Variants in KMT2B observed in about 807,000 individuals in gnomAD.
KMT2B encodes lysine methyltransferase 2B.
A neutral mutation model predicts 255.3 loss-of-function variants in KMT2B; 22 were observed. That is an observed-to-expected ratio of 0.09 (90% confidence interval 0.06 to 0.12). KMT2B has a LOEUF of 0.12. Ranked by LOEUF, KMT2B falls within the 10% of genes least tolerant of loss-of-function variation. The pLI, the probability that KMT2B is intolerant of heterozygous loss-of-function variation, is 1.00. For missense variants in KMT2B, 3,149 were observed against 3,737.0 expected, an observed-to-expected ratio of 0.84 and a Z score of 4.10; for synonymous variants, 1,730 against 1,498.1, an observed-to-expected ratio of 1.15 and a Z score of -3.57.
Position 35,721,204 on chromosome 19 carries a change from CCCTCCTCCCCCAGCCCCTCCACCT to C in KMT2B, c.1860_1883del (p.Pro622_Pro629del). ...GGACCTCACTGACCCGGGAGCTGCC[CCCTCCTCCCCCAGCCCCTCCACCT>C]CCCCCGGCCCCCTCCCCACCCCCTG... On this transcript the variant is annotated inframe_deletion, in exon 3 of 37. Coordinates refer to ENST00000420124, the MANE Select transcript of KMT2B (RefSeq NM_014727.3). The C allele has an allele frequency of 6.5e-7, 1 of 1,533,578 alleles. No homozygotes were observed. The highest frequency in any genetic ancestry group is 8.8e-7 in the Non-Finnish European group (1 of 1,139,412). 95.0% of individuals were successfully genotyped at this position (1,533,578 alleles called of 1,614,324 possible).
rs1206442047 is a variant in KMT2B at position 35,732,844 on chromosome 19, G to A, written c.6295G>A (p.Ala2099Thr). ...AGTCCGGGCAGGGGTCCTTGGGGCT[G>A]CAGGGGACAGGGCCCGGCCTCCTGA... ...GVVRAGVLGAAGDRARPPEDL... is the reference protein window; with the variant it reads ...GVVRAGVLGATGDRARPPEDL... Residue 2099 changes from alanine to threonine, a missense_variant, in exon 28 of 37, where the codon GCA becomes ACA. Physicochemically the swap from Ala to Thr is moderately conservative, Grantham distance 58. Transcript: ENST00000420124. 6.2e-7 allele frequency: 1 copy of A among 1,608,872 alleles called. No homozygotes were observed. Among genetic ancestry groups the A allele is most frequent in the Middle Eastern group, 1.7e-4 (1 of 6,054 alleles).
Position 35,738,476 on chromosome 19 carries a change from C to T in KMT2B, c.8067C>T (p.Asp2689=), listed in dbSNP as rs1970007575. ...RILRGEELTY[D]YKFPIEDASN... is the part of the protein sequence containing the mutation. ...TGCGTGGTGAGGAGCTCACCTACGA[C>T]TACAAGTTCCCCATCGAGGATGCCA... Residue 2689 remains aspartate (D), a synonymous_variant, in exon 37 of 37, where the codon GAC becomes GAT. Coordinates refer to ENST00000420124, the MANE Select transcript of KMT2B (RefSeq NM_014727.3). The surrounding 1 kb of genome is among the most constrained non-coding windows in gnomAD (Gnocchi z 8.7). 6.2e-7 allele frequency: 1 copy of T among 1,614,132 alleles called. No individual in the cohort carries two copies. The highest frequency in any genetic ancestry group is 8.5e-7 in the Non-Finnish European group (1 of 1,179,970).
chr19:35,730,531 A>T lies in KMT2B; in HGVS notation c.5198-7A>T. On this transcript the variant is annotated splice_region_variant and splice_polypyrimidine_tract_variant and intron_variant, in intron 24 of 36. Coordinates refer to ENST00000420124, the MANE Select transcript of KMT2B (RefSeq NM_014727.3). Reference sequence around the variant, plus strand: ...CTGCCTCTCCTGACCTCCGCTTTGCACCACAGGTTCCATCCGCATTGACTC... The same window carrying T: ...CTGCCTCTCCTGACCTCCGCTTTGCTCCACAGGTTCCATCCGCATTGACTC... 2 of 1,613,958 alleles carry T rather than the reference A, an allele frequency of 1.2e-6. No individual in the cohort carries two copies. The highest frequency in any genetic ancestry group is 1.7e-6 in the Non-Finnish European group (2 of 1,179,878).
chr19:35,726,899 G>A (rs139088180), intron 14 of KMT2B, among the ~76,000 whole-genome samples: 2 of 150,756 alleles, frequency 1.3e-5, no homozygotes, highest in Non-Finnish European at 2.9e-5. Flanking sequence ...CAGGAGAATC[G>A]CTTGAACCCG....
At position 35,737,579 on chromosome 19, in the gene KMT2B, T is replaced by A. The variant is rs181783714; in HGVS notation, c.7551-57T>A. 67 of 1,157,898 alleles carry A rather than the reference T, an allele frequency of 5.8e-5. No individual in the cohort carries two copies. In the East Asian group the frequency reaches 1.7e-3, roughly 30 times the overall value. 71.7% of individuals were successfully genotyped at this position (1,157,898 alleles called of 1,614,324 possible). Reference sequence around the variant, plus strand: ...ATCAGAAAAATGAACCCCACCCATTTCCCTGTTAGCTCTGTCTTCAACAGT... The same window carrying A: ...ATCAGAAAAATGAACCCCACCCATTACCCTGTTAGCTCTGTCTTCAACAGT... On this transcript the variant is annotated intron_variant, in intron 33 of 36. Coordinates refer to ENST00000420124, the MANE Select transcript of KMT2B (RefSeq NM_014727.3). The surrounding 1 kb of genome is among the most constrained non-coding windows in gnomAD (Gnocchi z 5.3).
intron 14 of KMT2B, among the ~76,000 whole-genome samples, 164 bp from the exon 15 acceptor site, chr19:35,726,983 CAAAAAAAAA>C (rs34515466): frequency 1.6e-5 from 1 of 62,860 alleles, no homozygotes; most frequent in East Asian, 4.5e-4. Flanking sequence ...GACACTGTCT[CAAAAAAAAA>C]AAAAAAAAAA....
At chr19:35,726,983 CAAAAAAA>C (rs34515466) in intron 14 of KMT2B, among the ~76,000 whole-genome samples, 166 bp from the exon 15 acceptor site, 1 of 62,860 alleles carries the variant, frequency 1.6e-5, no homozygotes. Context: ...GACACTGTCT[CAAAAAAA>C]AAAAAAAAAA....
In KMT2B at chr19:35,737,255, C is replaced by A; in HGVS notation, c.7542C>A (p.Val2514=). 1 of 1,527,072 alleles carries A rather than the reference C, an allele frequency of 6.5e-7. No homozygotes were observed. The highest frequency in any genetic ancestry group is 8.8e-7 in the Non-Finnish European group (1 of 1,137,454). The allele number at this position is 1,527,072 out of a possible 1,614,324, so 94.6% of individuals were successfully genotyped here. A position where few individuals can be genotyped will look rare whatever the true frequency, so the allele number is the denominator to read the frequency against. The change falls in exon 33 of 37, where the codon GTC becomes GTA. Residue 2514 remains valine, a synonymous_variant. Coordinates refer to ENST00000420124, the MANE Select transcript of KMT2B (RefSeq NM_014727.3). The surrounding 1 kb of genome is among the most constrained non-coding windows in gnomAD (Gnocchi z 5.3). The part of the protein sequence containing the change: ...LNPHGAARAE[V]YLRKCTFDMF... Reference sequence around the variant, plus strand: ...CCCATGGGGCTGCTCGGGCAGAGGTCTATCTCCGGTGAGAGGTCTGGGGTG... The same window carrying A: ...CCCATGGGGCTGCTCGGGCAGAGGTATATCTCCGGTGAGAGGTCTGGGGTG...
intron 9 of KMT2B, 62 bp downstream of exon 9, chr19:35,724,793 C>T: frequency 5.7e-6 from 8 of 1,409,950 alleles, no homozygotes; most frequent in South Asian, 1.2e-5. Context: ...GTCAGAGTGA[C>T]AGACACACCT....
Position 35,731,930 on chromosome 19 carries a change from C to A in KMT2B, c.5460C>A (p.Pro1820=). The change falls in exon 27 of 37, where the codon CCC becomes CCA. Residue 1820 remains proline, a synonymous_variant. Coordinates refer to ENST00000420124, the MANE Select transcript of KMT2B (RefSeq NM_014727.3). ...CAGAGCCCCCAGGTGGTGAGGACCC[C>A]CCACTGGACACAGATGTTCTTGTCC... The part of the protein sequence containing the change: ...PSSEPPGGED[P]PLDTDVLVPG... The A allele has an allele frequency of 6.2e-7, 1 of 1,613,690 alleles. No homozygotes were observed. The highest frequency in any genetic ancestry group is 1.7e-4 in the Middle Eastern group (1 of 6,058).
chr19:35,724,866 C>A (rs1328693234), intron 9 of KMT2B, 123 bp from the exon 10 acceptor site: 15 of 1,023,206 alleles, frequency 1.5e-5, no homozygotes, highest in Non-Finnish European at 2.2e-5. Context: ...CCTTGCCTGT[C>A]TGGAAAGCAA....
At chr19:35,729,494 G>C (rs1054342649) in intron 22 of KMT2B, among the ~76,000 whole-genome samples, 198 bp downstream of exon 22, 1 of 152,206 alleles carries the variant, frequency 6.6e-6, no homozygotes, top group African/African-American at 2.4e-5. Context: ...TGGGCCTGAA[G>C]TGTGGGAGTC....
Position 35,723,587 on chromosome 19 carries a change from C to G in KMT2B, c.3058+85C>G. ...GAGCTGTTTTTCTTTGCTCTCCTCCCTTGCAGCTCACCCTCTCCATCTTCT... is the reference window on the plus strand; with the variant it reads ...GAGCTGTTTTTCTTTGCTCTCCTCCGTTGCAGCTCACCCTCTCCATCTTCT... On this transcript the variant is annotated intron_variant, in intron 7 of 36. Transcript: ENST00000420124. This position sits in a 1 kb window ranked among gnomAD's most constrained non-coding sequence, Gnocchi z 7.5. 1 of 1,351,856 alleles carries G rather than the reference C, an allele frequency of 7.4e-7. No homozygotes were observed. 83.7% of individuals were successfully genotyped at this position (1,351,856 alleles called of 1,614,324 possible). A position where few individuals can be genotyped will look rare whatever the true frequency, so the allele number is the denominator to read the frequency against.
Position 35,727,125 on chromosome 19 carries a change from A to T in KMT2B, c.4004-31A>T. ...CTCAGGGCTGAGTGGGAACTCCAGC[A>T]CCTCTGACTCCTTCTCTTCCCTTTC... On this transcript the variant is annotated intron_variant, in intron 14 of 36. Coordinates refer to ENST00000420124, the MANE Select transcript of KMT2B (RefSeq NM_014727.3). The surrounding 1 kb of genome is among the most constrained non-coding windows in gnomAD (Gnocchi z 4.2). 6.6e-7 allele frequency: 1 copy of T among 1,510,026 alleles called. No homozygotes were observed. The highest frequency in any genetic ancestry group is 9.1e-7 in the Non-Finnish European group (1 of 1,098,168). 93.5% of individuals were successfully genotyped at this position (1,510,026 alleles called of 1,614,324 possible).
At position 35,732,958 on chromosome 19, in the gene KMT2B, C is replaced by T. The variant is rs778657853; in HGVS notation, c.6409C>T (p.Pro2137Ser). 2.0e-5 allele frequency: 32 copies of T among 1,605,154 alleles called. No individual in the cohort carries two copies. The highest frequency in any genetic ancestry group is 2.5e-5 in the Non-Finnish European group (30 of 1,176,658). The change falls in exon 28 of 37, where the codon CCC becomes TCC. Residue 2137 changes from proline (P) to serine (S), a missense_variant. By Grantham distance (74) the Pro-to-Ser change is moderately conservative. Around this residue, in one of 18 missense-constraint regions of KMT2B, gnomAD observed 897 missense variants for 825.3 expected, o/e 1.09. Transcript: ENST00000420124. ...GGAGPREESL[P>S]PAPPLANGSQ... ...TGCTGGCCCTAGAGAGGAGTCACTC[C>T]CCCCGGCGCCTCCCCTGGCTAATGG... is the stretch of plus-strand genomic sequence containing the variant.
chr19:35,729,046 C>T lies in KMT2B; in HGVS notation c.4749C>T (p.Leu1583=). 6.2e-7 allele frequency: 1 copy of T among 1,614,056 alleles called. No individual in the cohort carries two copies. The highest frequency in any genetic ancestry group is 8.5e-7 in the Non-Finnish European group (1 of 1,179,902). The change falls in exon 21 of 37, where the codon CTC becomes CTT. Residue 1583 remains leucine, a synonymous_variant. Coordinates refer to ENST00000420124, the MANE Select transcript of KMT2B (RefSeq NM_014727.3). The part of the protein sequence containing the change: ...SHLEDPRQCA[L]CLKYGDADSK... ...TGGAGGACCCCCGTCAGTGTGCACT[C>T]TGCCTCAAATACGGGGATGCAGACT...
At position 35,732,609 on chromosome 19, in the gene KMT2B, G is replaced by A. The variant is rs774540661; in HGVS notation, c.6060G>A (p.Pro2020=). ...AGAMGSSHGG[P]GDSSEEESSP... The stretch of plus-strand genomic sequence containing the variant: ...CCATGGGGAGCAGCCACGGGGGCCC[G>A]GGGGACAGCTCCGAGGAGGAGTCCA... The change falls in exon 28 of 37, where the codon CCG becomes CCA. Residue 2020 remains proline (P), a synonymous_variant. Coordinates refer to ENST00000420124, the MANE Select transcript of KMT2B (RefSeq NM_014727.3). 43 of 1,612,264 alleles carry A rather than the reference G, an allele frequency of 2.7e-5. No homozygotes were observed. The highest frequency in any genetic ancestry group is 3.3e-5 in the South Asian group (3 of 90,908).
rs1276959319 is a variant in KMT2B, at chr19:35,726,357, G to A, written c.4003+4G>A. The A allele has an allele frequency of 6.3e-7, 1 of 1,598,380 alleles. No homozygotes were observed. Among genetic ancestry groups the A allele is most frequent in the Admixed American group, 1.7e-5 (1 of 59,994 alleles). ...TGCACCCAGCTATATGAGAAAGGTG[G>A]GGACCGGGCAGGGGAACTGGATGCT... On this transcript the variant is annotated splice_donor_region_variant and intron_variant, in intron 14 of 36. Coordinates refer to ENST00000420124, the MANE Select transcript of KMT2B (RefSeq NM_014727.3).
chr19:35,729,200 A>G lies in KMT2B; in HGVS notation c.4821A>G (p.Thr1607=). Reference sequence around the variant, plus strand: ...TGTACATCGGGCAGAACGAGTGGACACACGTCAACTGTGCCATCTGGTCGG... The same window carrying G: ...TGTACATCGGGCAGAACGAGTGGACGCACGTCAACTGTGCCATCTGGTCGG... ...RLLYIGQNEW[T]HVNCAIWSAE... is the part of the protein sequence containing the mutation. The change falls in exon 22 of 37, where the codon ACA becomes ACG. Residue 1607 remains threonine (T), a synonymous_variant. Transcript: ENST00000420124. 6.2e-7 allele frequency: 1 copy of G among 1,612,828 alleles called. No individual in the cohort carries two copies. The highest frequency in any genetic ancestry group is 8.5e-7 in the Non-Finnish European group (1 of 1,179,360).
Sources: gnomAD v4.1 joint callset for allele counts (sites outside exome capture counted in the v4.1 genomes callset) on GRCh38, gnomAD v4.1.1 for gene constraint, gnomAD v4.1.1 regional missense constraint, Gnocchi (gnomAD v3.1) non-coding constraint, MANE v1.5 for transcripts, NCBI Gene and HGNC (gene_info 2026-07-23, HGNC 2026-07-21) for gene names.